DGKB: variants seen among roughly 807,000 people sequenced by gnomAD.
DGKB encodes 90 kDa diacylglycerol kinase.
A neutral mutation model predicts 114.3 loss-of-function variants in DGKB; 67 were observed. The ratio of observed to expected loss-of-function variants is 0.59; its 90% confidence interval spans 0.48 to 0.72. DGKB has a LOEUF of 0.72. Among genes scored for constraint, DGKB ranks in the 30% least tolerant of loss-of-function variants. DGKB has a pLI of 0.00. For missense variants in DGKB, 907 were observed against 975.2 expected (o/e 0.93, Z 0.93); for synonymous variants, 398 against 323.1 (o/e 1.23, Z -2.49).
In DGKB at chr7:14,605,294, A is replaced by G. The variant is rs183287888; in HGVS notation, c.1433+2140T>C. 2.0e-3 allele frequency among the ~76,000 whole-genome samples: 306 copies of G among 151,256 alleles called. 2 individuals carry two copies. Among genetic ancestry groups the G allele is most frequent in the Admixed American group, 4.8e-3 (72 of 15,104 alleles). ...AGTGCAGAAAGCAAGTTGCAAGATA[A>G]TATAAAATCTATATTCTGTTACGTA... On this transcript the variant is annotated intron_variant, in intron 17 of 25. Coordinates refer to ENST00000402815, the MANE Select transcript of DGKB (RefSeq NM_001350709.2).
At chr7:14,730,789 C>T (rs1009690135) in intron 5 of DGKB, among the ~76,000 whole-genome samples, 2 of 152,164 alleles carry the variant, frequency 1.3e-5, no homozygotes, top group African/African-American at 4.8e-5. Context: ...TCTCCAGCAC[C>T]CATGCCCTTC....
At chr7:14,909,590 A>C (rs1035137777) in intron 1 of DGKB, among the ~76,000 whole-genome samples, 3 of 152,330 alleles carry the variant, frequency 2.0e-5, no homozygotes, top group African/African-American at 4.8e-5. Flanking sequence ...CTAGTATAAA[A>C]ATTTAAATCT....
At chr7:14,538,069 G>A (rs1206225158) in intron 20 of DGKB, among the ~76,000 whole-genome samples, 1 of 94,078 alleles carries the variant, frequency 1.1e-5, no homozygotes, top group Non-Finnish European at 1.9e-5. Context: ...TGGGCAACAA[G>A]AGCAAATCTC....
At chr7:14,947,106 A>C (rs1228920984) in intron 1 of DGKB, among the ~76,000 whole-genome samples, 1 of 151,616 alleles carries the variant, frequency 6.6e-6, no homozygotes, top group African/African-American at 2.4e-5. Context: ...TATTATACAC[A>C]ATATCAAGGA....
chr7:14,539,906 T>C (rs1793137740), intron 20 of DGKB, among the ~76,000 whole-genome samples: 1 of 152,134 alleles, frequency 6.6e-6, no homozygotes, highest in African/African-American at 2.4e-5. Flanking sequence ...ACCTTTTTTA[T>C]TCTCTATAAT....
At chr7:14,653,502 T>C (rs1364860266) in intron 13 of DGKB, among the ~76,000 whole-genome samples, 1 of 151,606 alleles carries the variant, frequency 6.6e-6, no homozygotes, top group Non-Finnish European at 1.5e-5. Flanking sequence ...CTGGGGACTG[T>C]TGTGGGGTGG....
At chr7:14,474,258 C>T (rs7800703) in intron 21 of DGKB, among the ~76,000 whole-genome samples, 77,813 of 151,892 alleles carry the variant, frequency 0.51, 20,418 homozygotes, top group East Asian at 0.76. Flanking sequence ...GATGGTTCTA[C>T]ACGGGGGAGT....
At chr7:14,224,366 T>C (rs1193939467) in intron 23 of DGKB, among the ~76,000 whole-genome samples, 1 of 152,078 alleles carries the variant, frequency 6.6e-6, no homozygotes, top group African/African-American at 2.4e-5. Flanking sequence ...TATAATGTAT[T>C]GATAGCATTT....
intron 3 of DGKB, among the ~76,000 whole-genome samples, chr7:14,755,432 A>G (rs1834728441): frequency 6.6e-6 from 1 of 152,120 alleles, no homozygotes; most frequent in African/African-American, 2.4e-5. Flanking sequence ...TAAATGATAC[A>G]AGCTATGTTC....
chr7:14,231,437 A>G (rs1283828048), intron 23 of DGKB, among the ~76,000 whole-genome samples: 1 of 151,910 alleles, frequency 6.6e-6, no homozygotes, highest in Admixed American at 6.6e-5. Context: ...TTCACGTTAT[A>G]TTTTCTGATA....
At chr7:14,643,962 T>A (rs1812386227) in intron 13 of DGKB, among the ~76,000 whole-genome samples, 1 of 152,174 alleles carries the variant, frequency 6.6e-6, no homozygotes, top group African/African-American at 2.4e-5. Context: ...AACCAGGGTC[T>A]ACTGCCACCA....
At chr7:14,181,290 C>G (rs1782603646) in intron 23 of DGKB, among the ~76,000 whole-genome samples, 1 of 152,142 alleles carries the variant, frequency 6.6e-6, no homozygotes, top group African/African-American at 2.4e-5. Flanking sequence ...AACATGAACA[C>G]TTTCAGGTCA....
chr7:14,517,703 A>G (rs539677176), intron 20 of DGKB, among the ~76,000 whole-genome samples: 1 of 152,136 alleles, frequency 6.6e-6, no homozygotes, highest in Non-Finnish European at 1.5e-5. Flanking sequence ...ACAAGCATAT[A>G]AAAAAGGCCC....
chr7:14,467,295 G>C lies in DGKB; in HGVS notation c.1835+10866C>G, dbSNP rs147596148. 3.7e-3 allele frequency among the ~76,000 whole-genome samples: 561 copies of C among 150,158 alleles called. 4 individuals carry two copies. The highest frequency in any genetic ancestry group is 0.013 in the African/African-American group (535 of 41,114). On this transcript the variant is annotated intron_variant, in intron 21 of 25. Coordinates refer to ENST00000402815, the MANE Select transcript of DGKB (RefSeq NM_001350709.2). ...AAATTTTCTAAAAGAAATTTTAAAT[G>C]TTAATTCCACAAAAGTATATGAGTT...
At chr7:14,729,897 T>A (rs751945296) in intron 5 of DGKB, among the ~76,000 whole-genome samples, 1 of 152,200 alleles carries the variant, frequency 6.6e-6, no homozygotes, top group Non-Finnish European at 1.5e-5. Flanking sequence ...AATTAATGAA[T>A]GAATAAAATA....
intron 20 of DGKB, among the ~76,000 whole-genome samples, chr7:14,497,127 G>T (rs377177361): frequency 6.6e-6 from 1 of 151,672 alleles, no homozygotes; most frequent in Non-Finnish European, 1.5e-5. Context: ...TAAGTGGGAG[G>T]TAAGCTATGG....
At chr7:14,812,707 C>G (rs890993526) in intron 2 of DGKB, among the ~76,000 whole-genome samples, 1 of 152,140 alleles carries the variant, frequency 6.6e-6, no homozygotes, top group Non-Finnish European at 1.5e-5. Flanking sequence ...TTCAATCTTT[C>G]AACCCTCTTC....
At chr7:14,440,339 T>C (rs896131918) in intron 21 of DGKB, among the ~76,000 whole-genome samples, 8 of 152,144 alleles carry the variant, frequency 5.3e-5, no homozygotes, top group African/African-American at 1.7e-4. Flanking sequence ...TGTTTACTAA[T>C]GTAGCCTCCA....
At chr7:14,650,755 C>A in intron 13 of DGKB, among the ~76,000 whole-genome samples, 1 of 135,616 alleles carries the variant, frequency 7.4e-6, no homozygotes, top group Non-Finnish European at 1.6e-5. Flanking sequence ...GCTAGCAAGA[C>A]TAATAAAGAA....
Sources: allele counts gnomAD v4.1 joint callset (sites outside exome capture counted in the v4.1 genomes callset), GRCh38; gene constraint gnomAD v4.1.1; transcripts MANE v1.5; gene names NCBI Gene and HGNC (gene_info 2026-07-23, HGNC 2026-07-21).